Variants in PKIG observed in about 807,000 individuals in gnomAD.
The protein encoded by PKIG is protein kinase (cAMP-dependent, catalytic) inhibitor gamma.
Under a neutral mutation model 6.8 loss-of-function variants are expected in PKIG, and 1 was observed. The observed-to-expected ratio is 0.15, with a 90% CI of 0.05 to 0.69. The LOEUF (loss-of-function observed/expected upper bound fraction) is 0.69. PKIG is among the 30% of genes least tolerant of loss of function. The probability of loss-of-function intolerance (pLI) is 0.82; values close to 1 mark genes in which losing one functional copy is unlikely to be tolerated. For missense variants in PKIG, 77 were observed against 104.0 expected (o/e 0.74, Z 1.13); for synonymous variants, 39 against 43.0 (o/e 0.91, Z 0.36).
intron 2 of PKIG, among the ~76,000 whole-genome samples, chr20:44,610,452 GTCTCTCTCTTTCTCTCTCTCTCTC>G: frequency 7.3e-6 from 1 of 136,328 alleles, no homozygotes; most frequent in Non-Finnish European, 1.6e-5. Flanking sequence ...CCTCTTCTCT[GTCTCTCTCTTTCTCTCTCTCTCTC>G]TCTCTCTCTT....
At chr20:44,603,059 A>T (rs1037815909) in intron 2 of PKIG, among the ~76,000 whole-genome samples, 1 of 152,154 alleles carries the variant, frequency 6.6e-6, no homozygotes, top group African/African-American at 2.4e-5. Flanking sequence ...TCACTTGTTC[A>T]TCAGCTATTC....
intron 1 of PKIG, among the ~76,000 whole-genome samples, chr20:44,589,516 A>G (rs1298893843): frequency 6.6e-6 from 1 of 152,074 alleles, no homozygotes; most frequent in Non-Finnish European, 1.5e-5. Flanking sequence ...CCATAATTTA[A>G]CTATTTTTCT....
At chr20:44,575,139 C>T (rs144187093) in intron 1 of PKIG, among the ~76,000 whole-genome samples, 46 of 152,240 alleles carry the variant, frequency 3.0e-4, no homozygotes, top group Middle Eastern at 3.4e-3. Flanking sequence ...GCAACCTCCA[C>T]CTCCCAAGGT....
chr20:44,593,720 A>G (rs1201790599), intron 2 of PKIG, among the ~76,000 whole-genome samples: 1 of 152,224 alleles, frequency 6.6e-6, no homozygotes, highest in Non-Finnish European at 1.5e-5. Context: ...ATGGTATTGT[A>G]TACTTGAAAT....
upstream of PKIG, among the ~76,000 whole-genome samples, chr20:44,579,487 G>GTGAGCCTT (rs1412577675): frequency 6.6e-6 from 1 of 152,236 alleles, no homozygotes; most frequent in African/African-American, 2.4e-5. Context: ...CCTTGCTCCC[G>GTGAGCCTT]TGAGCCTTTG....
At chr20:44,588,798 G>A (rs1021769055) in intron 1 of PKIG, among the ~76,000 whole-genome samples, 1 of 152,082 alleles carries the variant, frequency 6.6e-6, no homozygotes, top group Non-Finnish European at 1.5e-5. Context: ...AATATTCTTG[G>A]GGTCTGTGAA....
chr20:44,584,776 A>G (rs930262527), intron 1 of PKIG, among the ~76,000 whole-genome samples: 14 of 151,094 alleles, frequency 9.3e-5, no homozygotes, highest in Admixed American at 2.6e-4. Context: ...CTGGAGTGCA[A>G]TGGTGCAGTC....
At chr20:44,537,628 A>T (rs1341963909) in intron 1 of PKIG, among the ~76,000 whole-genome samples, 3 of 149,812 alleles carry the variant, frequency 2.0e-5, no homozygotes, top group African/African-American at 7.4e-5. Flanking sequence ...CTCAGGCTGG[A>T]GTGCAGTGGT....
rs2064844440 is a variant in PKIG, at chr20:44,570,395, T to C, written c.-240-12190T>C. 2.0e-5 allele frequency among the ~76,000 whole-genome samples: 3 copies of C among 152,370 alleles called. No individual in the cohort carries two copies. The Middle Eastern group carries it at 0.01, about 518-fold the overall frequency. The stretch of plus-strand genomic sequence containing the variant: ...ATACATTTCCACAACTAGGATGGTT[T>C]GGTTTAAAAAGTGTGCACATTTAAA... On this transcript the variant is annotated intron_variant, in intron 1 of 4. Coordinates refer to the PKIG transcript ENST00000372887.
intron 2 of PKIG, among the ~76,000 whole-genome samples, chr20:44,593,419 TACTC>T (rs2065050923): frequency 6.9e-6 from 1 of 144,596 alleles, no homozygotes; most frequent in Non-Finnish European, 1.5e-5. Context: ...ACACGACTAT[TACTC>T]AGCCTTAAAA....
At chr20:44,536,973 A>G (rs1044793473) in intron 1 of PKIG, among the ~76,000 whole-genome samples, 2 of 152,300 alleles carry the variant, frequency 1.3e-5, no homozygotes, top group African/African-American at 4.8e-5. Flanking sequence ...TCTGTTGTGC[A>G]GGCTGGAGTG....
chr20:44,540,440 A>G (rs759702462), intron 1 of PKIG, among the ~76,000 whole-genome samples: 11 of 152,254 alleles, frequency 7.2e-5, no homozygotes, highest in Non-Finnish European at 1.6e-4. Flanking sequence ...GTGACTACCA[A>G]TTAACCAAAA....
intron 1 of PKIG, among the ~76,000 whole-genome samples, chr20:44,561,718 A>G: frequency 6.6e-6 from 1 of 152,182 alleles, no homozygotes; most frequent in Admixed American, 6.5e-5. Flanking sequence ...TCTGGCCTCA[A>G]GTGATCCTCC....
intron 1 of PKIG, among the ~76,000 whole-genome samples, chr20:44,569,298 A>G (rs2123282225): frequency 6.6e-6 from 1 of 152,350 alleles, no homozygotes; most frequent in Admixed American, 6.5e-5. Context: ...CCTGAAATTT[A>G]TATTTACATT....
chr20:44,583,943 G>C, intron 1 of PKIG, among the ~76,000 whole-genome samples: 1 of 152,130 alleles, frequency 6.6e-6, no homozygotes. Context: ...GTCTTTTTCA[G>C]ATTAGGTGTT....
chr20:44,603,223 A>T (rs2065136949), intron 2 of PKIG, among the ~76,000 whole-genome samples: 1 of 152,200 alleles, frequency 6.6e-6, no homozygotes, highest in Admixed American at 6.5e-5. Context: ...TAAACAGAGT[A>T]AAAACAAAGG....
Position 44,613,695 on chromosome 20 carries a change from C to G in PKIG, c.-23-839C>G, listed in dbSNP as rs541612493. ...ATCTAGAATCCTTCCCACTGCCCCC[C>G]TCCTCCACCCACCATCTTGGCACCT... On this transcript the variant is annotated intron_variant, in intron 2 of 3. Transcript: ENST00000372886. Among the ~76,000 whole-genome samples the G allele has an allele frequency of 1.2e-4, 19 of 152,304 alleles. No homozygotes were observed. In the South Asian group the frequency reaches 3.7e-3, roughly 30 times the overall value.
intron 1 of PKIG, among the ~76,000 whole-genome samples, chr20:44,539,559 C>T (rs1600834749): frequency 6.6e-6 from 1 of 152,074 alleles, no homozygotes; most frequent in South Asian, 2.1e-4. Flanking sequence ...GCTGGGATTA[C>T]AGGCGCCCAC....
At chr20:44,552,557 A>G (rs1320278134) in intron 1 of PKIG, among the ~76,000 whole-genome samples, 3 of 152,252 alleles carry the variant, frequency 2.0e-5, no homozygotes, top group African/African-American at 7.2e-5. Flanking sequence ...TCAGTTTGGA[A>G]TGAAAGGAGA....
Sources: gnomAD v4.1 joint callset for allele counts (sites outside exome capture counted in the v4.1 genomes callset) on GRCh38, gnomAD v4.1.1 for gene constraint, MANE v1.5 for transcripts, NCBI Gene and HGNC (gene_info 2026-07-23, HGNC 2026-07-21) for gene names.